Variants in RGS6 observed in about 807,000 individuals in gnomAD.
RGS6 encodes the protein regulator of G-protein signaling 6.
A neutral mutation model predicts 78.5 loss-of-function variants in RGS6; 30 were observed. The ratio of observed to expected loss-of-function variants is 0.38; its 90% CI spans 0.29 to 0.52. The LOEUF (loss-of-function observed/expected upper bound fraction) is 0.52, where lower values mean the gene tolerates loss of function less well. RGS6 is among the 20% of genes least tolerant of loss of function. The pLI is 0.85. For synonymous variants in RGS6, 206 were observed against 206.0 expected (o/e 1.00, Z 0.00); for missense variants, 495 against 609.7 (o/e 0.81, Z 1.98).
At chr14:72,499,335 C>A (rs1170684811) in intron 13 of RGS6, among the ~76,000 whole-genome samples, 1 of 152,184 alleles carries the variant, frequency 6.6e-6, no homozygotes, top group Non-Finnish European at 1.5e-5. Context: ...GGGAAACATC[C>A]CCCTTAACTT....
intron 2 of RGS6, among the ~76,000 whole-genome samples, chr14:72,047,023 T>C (rs1416886314): frequency 3.3e-5 from 5 of 152,228 alleles, no homozygotes; most frequent in Non-Finnish European, 5.9e-5. Flanking sequence ...GACCAATGCT[T>C]GGACAAATAG....
chr14:71,979,563 G>A (rs967389032), intron 2 of RGS6, among the ~76,000 whole-genome samples: 2 of 152,136 alleles, frequency 1.3e-5, no homozygotes, highest in Admixed American at 6.5e-5. Flanking sequence ...TTTCCATGTA[G>A]TTGAGTGGAT....
chr14:72,093,781 G>A (rs1567190954), intron 2 of RGS6, among the ~76,000 whole-genome samples: 1 of 152,060 alleles, frequency 6.6e-6, no homozygotes, highest in South Asian at 2.1e-4. Context: ...CCTTATGCAC[G>A]TGAGCAAGCA....
At position 71,941,694 on chromosome 14, in the gene RGS6, C is replaced by T. The variant is rs142894875; in HGVS notation, c.-21+8753C>T. 7.3e-3 allele frequency among the ~76,000 whole-genome samples: 1,109 copies of T among 152,208 alleles called. 14 individuals carry two copies. The highest frequency in any genetic ancestry group is 0.025 in the African/African-American group (1,041 of 41,526). On this transcript the variant is annotated intron_variant, in intron 1 of 17. Coordinates refer to ENST00000553525, the MANE Select transcript of RGS6 (RefSeq NM_001204424.2). Reference sequence around the variant, plus strand: ...CCTCTCTCCTTTTCATGTTTTTCTGCCTGCTTTATATTCGCTGGAAGCTGA... The same window carrying T: ...CCTCTCTCCTTTTCATGTTTTTCTGTCTGCTTTATATTCGCTGGAAGCTGA...
chr14:71,884,431 G>A, the RGS6 span, among the ~76,000 whole-genome samples: 8 of 152,314 alleles, frequency 5.3e-5, no homozygotes, highest in East Asian at 9.6e-4. Context: ...GAGTTGGGGG[G>A]TATAGAGGTT....
intron 2 of RGS6, among the ~76,000 whole-genome samples, chr14:72,305,797 C>G (rs1342067260): frequency 6.6e-6 from 1 of 152,206 alleles, no homozygotes; most frequent in Admixed American, 6.5e-5. Flanking sequence ...AGTCATACAT[C>G]TCTCACTTTA....
At chr14:72,005,529 C>A (rs1247872247) in intron 2 of RGS6, among the ~76,000 whole-genome samples, 1 of 151,644 alleles carries the variant, frequency 6.6e-6, no homozygotes, top group African/African-American at 2.4e-5. Context: ...AGTAGTTATC[C>A]CTAGAATTTG....
rs1483632909 is a variant in RGS6 at position 72,290,849 on chromosome 14, A to G, written c.85-61246A>G. Among the ~76,000 whole-genome samples the G allele has an allele frequency of 2.0e-5, 3 of 151,946 alleles. 1 individual carries two copies. Among genetic ancestry groups the G allele is most frequent in the South Asian group, 4.2e-4 (2 of 4,806 alleles). ...TGGGTTGAATTGTTTGTAGCTGTCA[A>G]CTCTGTGCCAAGGGCAACAAGGTTT... On this transcript the variant is annotated intron_variant, in intron 2 of 17. Coordinates refer to ENST00000553525, the MANE Select transcript of RGS6 (RefSeq NM_001204424.2).
At chr14:72,525,201 C>G (rs1040429898) in intron 15 of RGS6, among the ~76,000 whole-genome samples, 5 of 152,204 alleles carry the variant, frequency 3.3e-5, no homozygotes, top group African/African-American at 1.2e-4. Context: ...CCTTAGCTTT[C>G]AACTTTGGAG....
At chr14:72,052,681 G>T (rs1235569745) in intron 2 of RGS6, among the ~76,000 whole-genome samples, 1 of 152,120 alleles carries the variant, frequency 6.6e-6, no homozygotes, top group Non-Finnish European at 1.5e-5. Flanking sequence ...ATATGGCAGT[G>T]ATTAAATAGC....
intron 2 of RGS6, among the ~76,000 whole-genome samples, chr14:72,152,189 A>C (rs1244831053): frequency 6.6e-6 from 1 of 151,670 alleles, no homozygotes; most frequent in East Asian, 1.9e-4. Context: ...GGGATAAGGT[A>C]GTGTTCTTCA....
At chr14:72,411,797 A>G (rs2093433244) in intron 3 of RGS6, among the ~76,000 whole-genome samples, 3 of 152,184 alleles carry the variant, frequency 2.0e-5, no homozygotes. Flanking sequence ...ATTTTGTCAA[A>G]GGCCTTTTCT....
At chr14:72,623,702 A>G in the RGS6 span, among the ~76,000 whole-genome samples, 1 of 152,254 alleles carries the variant, frequency 6.6e-6, no homozygotes, top group Non-Finnish European at 1.5e-5. Context: ...ATGCATCAGT[A>G]TAAATTCATG....
chr14:72,150,446 T>G (rs950020293), intron 2 of RGS6, among the ~76,000 whole-genome samples: 1 of 152,194 alleles, frequency 6.6e-6, no homozygotes, highest in Admixed American at 6.5e-5. Context: ...CCTAGGAAAT[T>G]ATACACGAAG....
intron 2 of RGS6, among the ~76,000 whole-genome samples, chr14:72,234,911 T>G (rs2050617864): frequency 6.6e-6 from 1 of 151,996 alleles, no homozygotes; most frequent in Non-Finnish European, 1.5e-5. Flanking sequence ...TCCAAATTTG[T>G]GGGAAAGGGG....
intron 17 of RGS6, among the ~76,000 whole-genome samples, chr14:72,546,614 TG>T (rs2097407693): frequency 1.3e-5 from 2 of 152,196 alleles, no homozygotes; most frequent in Non-Finnish European, 2.9e-5. Context: ...TCTGGACATG[TG>T]GGGCAATCAG....
At chr14:72,132,836 C>A in intron 2 of RGS6, among the ~76,000 whole-genome samples, 1 of 144,354 alleles carries the variant, frequency 6.9e-6, no homozygotes, top group East Asian at 2.3e-4. Flanking sequence ...TTCTGAAAAA[C>A]TCTTTGAGGC....
At chr14:72,344,484 A>G (rs1043264750) in intron 2 of RGS6, among the ~76,000 whole-genome samples, 1 of 152,198 alleles carries the variant, frequency 6.6e-6, no homozygotes, top group Non-Finnish European at 1.5e-5. Flanking sequence ...TCTTAAGTGT[A>G]AATACTAAAT....
intron 2 of RGS6, among the ~76,000 whole-genome samples, chr14:71,976,167 T>C (rs1433389673): frequency 6.6e-6 from 1 of 151,754 alleles, no homozygotes; most frequent in East Asian, 1.9e-4. Flanking sequence ...TCTGATACTT[T>C]AAAGTCTTTA....
Sources: gnomAD v4.1 joint callset for allele counts (sites outside exome capture counted in the v4.1 genomes callset) on GRCh38, gnomAD v4.1.1 for gene constraint, MANE v1.5 for transcripts, NCBI Gene and HGNC (gene_info 2026-07-23, HGNC 2026-07-21) for gene names.